The following MYO5B variants were observed in gnomAD, a reference collection of about 807,000 sequenced individuals.
MYO5B encodes the protein myosin VB.
A neutral mutation model predicts 229.3 loss-of-function variants in MYO5B; 143 were observed. That is an observed-to-expected ratio of 0.62 (90% CI 0.54 to 0.72). MYO5B has a LOEUF of 0.72. Ranked by LOEUF, MYO5B falls within the 30% of genes least tolerant of loss-of-function variation. MYO5B has a pLI of 0.00. For missense variants in MYO5B, 2,321 were observed against 2,331.0 expected, an observed-to-expected ratio of 1.00 and a Z score of 0.09; for synonymous variants, 918 against 885.2, an observed-to-expected ratio of 1.04 and a Z score of -0.66.
chr18:49,881,604 C>A (rs894016219), intron 22 of MYO5B, among the ~76,000 whole-genome samples: 7 of 151,998 alleles, frequency 4.6e-5, no homozygotes, highest in Non-Finnish European at 1.0e-4. Flanking sequence ...TGATCGAGAC[C>A]ATCCTGGCTA....
At chr18:49,963,593 A>G (rs1415475565) in intron 10 of MYO5B, among the ~76,000 whole-genome samples, 1 of 151,616 alleles carries the variant, frequency 6.6e-6, no homozygotes, top group Non-Finnish European at 1.5e-5. Flanking sequence ...TGCCGAGCTA[A>G]TTTTTCTACT....
chr18:50,003,078 A>C (rs1010423926), intron 4 of MYO5B, among the ~76,000 whole-genome samples: 3 of 152,156 alleles, frequency 2.0e-5, no homozygotes, highest in Non-Finnish European at 2.9e-5. Flanking sequence ...GACAGAAAAG[A>C]AGCAGGCTGG....
intron 20 of MYO5B, among the ~76,000 whole-genome samples, chr18:49,904,427 C>T (rs2024876551): frequency 3.3e-5 from 5 of 152,140 alleles, no homozygotes; most frequent in Admixed American, 3.3e-4. Flanking sequence ...GCCAAATAAA[C>T]CTCTTTTCTT....
At chr18:50,006,854 A>G (rs551117798) in intron 4 of MYO5B, among the ~76,000 whole-genome samples, 46 of 152,270 alleles carry the variant, frequency 3.0e-4, no homozygotes, top group African/African-American at 1.1e-3. Flanking sequence ...GAGAAATCCC[A>G]CTAAGTGTTA....
chr18:50,180,063 C>A (rs540875979), intron 1 of MYO5B, among the ~76,000 whole-genome samples: 17 of 152,132 alleles, frequency 1.1e-4, no homozygotes, highest in Non-Finnish European at 2.2e-4. Context: ...CTTAAGATTC[C>A]TAAGGGCCTT....
intron 38 of MYO5B, among the ~76,000 whole-genome samples, chr18:49,836,462 T>C (rs989565986): frequency 6.6e-6 from 1 of 152,244 alleles, no homozygotes; most frequent in African/African-American, 2.4e-5. Context: ...TGCTACCTTA[T>C]CTTTTTAAGT....
At chr18:50,064,966 C>T (rs1339076669) in intron 1 of MYO5B, among the ~76,000 whole-genome samples, 2 of 152,152 alleles carry the variant, frequency 1.3e-5, no homozygotes, top group Non-Finnish European at 2.9e-5. Context: ...GGGGAAACTG[C>T]ACCTTGTATT....
chr18:49,978,630 G>A (rs2025779270), intron 9 of MYO5B, among the ~76,000 whole-genome samples: 2 of 151,468 alleles, frequency 1.3e-5, no homozygotes, highest in East Asian at 2.0e-4. Context: ...ACTAAAGAGC[G>A]AGAACTGACC....
At chr18:49,853,670 G>T in intron 30 of MYO5B, 23 bp from the exon 31 acceptor site, 6 of 1,606,366 alleles carry the variant, frequency 3.7e-6, no homozygotes, top group South Asian at 1.1e-5. Context: ...GAGGACAGGT[G>T]AGCACGTGGC....
At chr18:50,056,754 CTTT>C (rs80087851) in intron 1 of MYO5B, among the ~76,000 whole-genome samples, 96 of 140,420 alleles carry the variant, frequency 6.8e-4, no homozygotes, top group Middle Eastern at 3.7e-3. Flanking sequence ...TAATCAGAGG[CTTT>C]TTTTTTTTTT....
intron 1 of MYO5B, among the ~76,000 whole-genome samples, chr18:50,130,259 T>G (rs2032233365): frequency 6.6e-6 from 1 of 152,206 alleles, no homozygotes. Flanking sequence ...TTTCAAGAAC[T>G]TCCTTGAAAT....
At chr18:50,042,437 C>G (rs185017418) in intron 2 of MYO5B, among the ~76,000 whole-genome samples, 1 of 152,092 alleles carries the variant, frequency 6.6e-6, no homozygotes, top group Non-Finnish European at 1.5e-5. Context: ...TAGACAGTTT[C>G]CTGTTTTTTT....
chr18:50,142,268 T>C (rs1391584290), intron 1 of MYO5B, among the ~76,000 whole-genome samples: 2 of 152,222 alleles, frequency 1.3e-5, no homozygotes, highest in South Asian at 2.1e-4. Flanking sequence ...CTGGTTACCA[T>C]GGCAGGCAAG....
At chr18:49,906,306 C>A in intron 19 of MYO5B, 113 bp downstream of exon 19, 1 of 1,087,248 alleles carries the variant, frequency 9.2e-7, no homozygotes, top group South Asian at 1.3e-5. Context: ...GACATGGCCC[C>A]AACAGGAACC....
At position 49,912,139 on chromosome 18, in the gene MYO5B, C is replaced by T. The variant is rs192207329; in HGVS notation, c.2125G>A (p.Val709Met). The T allele has an allele frequency of 9.3e-4, 1,506 of 1,614,052 alleles. 16 individuals carry two copies. The highest frequency in any genetic ancestry group is 1.9e-4 in the Non-Finnish European group (229 of 1,180,012). The change falls in exon 18 of 40, where the codon GTG becomes ATG. Residue 709 changes from valine (V) to methionine (M), a missense_variant. Physicochemically the swap from Val to Met is conservative, Grantham distance 21 (BLOSUM62 1). Around this residue, in one of 2 missense-constraint regions of MYO5B, gnomAD observed 2,113 missense variants for 2,044.7 expected, o/e 1.03. Transcript: ENST00000285039. ...GCGAGCTCTCTCTTCTTGACCAGCACCCGATACCGGTTGAAAAAGTCATGG... is the reference window on the plus strand; with the variant it reads ...GCGAGCTCTCTCTTCTTGACCAGCATCCGATACCGGTTGAAAAAGTCATGG... The part of the protein sequence containing the change: ...AYHDFFNRYR[V>M]LVKKRELANT...
At chr18:49,990,302 G>T in intron 7 of MYO5B, 137 bp downstream of exon 7, 1 of 714,046 alleles carries the variant, frequency 1.4e-6, no homozygotes. Flanking sequence ...ATTTAGAGAG[G>T]CCTAGGGGTT....
intron 19 of MYO5B, 93 bp downstream of exon 19, chr18:49,906,326 A>C: frequency 1.6e-6 from 2 of 1,267,208 alleles, no homozygotes. Context: ...CACTCTCAGC[A>C]CAGAGGAAGA....
At chr18:49,949,677 C>T (rs2025412291) in intron 14 of MYO5B, among the ~76,000 whole-genome samples, 1 of 152,122 alleles carries the variant, frequency 6.6e-6, no homozygotes, top group Non-Finnish European at 1.5e-5. Context: ...AAAAAAAAGT[C>T]TCTCATAAAA....
Position 49,926,417 on chromosome 18 carries a change from C to A in MYO5B, c.2090+3095G>T, listed in dbSNP as rs569523899. 7.9e-5 allele frequency among the ~76,000 whole-genome samples: 12 copies of A among 152,366 alleles called. No homozygotes were observed. In the South Asian group the frequency reaches 2.1e-3, roughly 26 times the overall value. Reference sequence around the variant, plus strand: ...GGCCCATATCACATCCCTCCATTCCCACTTCTGGTTCCTTCCACCTTCTGA... The same window carrying A: ...GGCCCATATCACATCCCTCCATTCCAACTTCTGGTTCCTTCCACCTTCTGA... On this transcript the variant is annotated intron_variant, in intron 17 of 39. Coordinates refer to ENST00000285039, the MANE Select transcript of MYO5B (RefSeq NM_001080467.3).
Sources: gnomAD v4.1 joint callset for allele counts (sites outside exome capture counted in the v4.1 genomes callset) on GRCh38, gnomAD v4.1.1 for gene constraint, gnomAD v4.1.1 regional missense constraint, MANE v1.5 for transcripts, NCBI Gene and HGNC (gene_info 2026-07-23, HGNC 2026-07-21) for gene names.